Variants in LIPC observed in about 807,000 individuals in gnomAD.
LIPC encodes hepatic triacylglycerol lipase.
Under a neutral mutation model 50.7 loss-of-function variants are expected in LIPC, and 44 were observed. The observed-to-expected ratio is 0.87, with a 90% CI of 0.68 to 1.11. The LOEUF is 1.11. LIPC is among the 50% of genes most tolerant of loss of function. LIPC has a pLI of 0.00. For missense variants in LIPC, 697 were observed against 648.2 expected (o/e 1.08, Z -0.82); for synonymous variants, 271 against 256.4 (o/e 1.06, Z -0.54).
At chr15:58,501,346 AC>A (rs2140837592) in intron 1 of LIPC, among the ~76,000 whole-genome samples, 1 of 41,154 alleles carries the variant, frequency 2.4e-5, no homozygotes, top group South Asian at 1.2e-3. Context: ...GGCCTCTCAT[AC>A]TTTTTTTTTT....
At chr15:58,498,963 CA>C (rs1272375984) in intron 1 of LIPC, among the ~76,000 whole-genome samples, 1 of 152,176 alleles carries the variant, frequency 6.6e-6, no homozygotes, top group East Asian at 1.9e-4. Context: ...GTAGCAAAAG[CA>C]ACACATTAAA....
At chr15:58,518,036 ACTTCCTGTGTTGACCCT>A (rs1471836055) in intron 1 of LIPC, among the ~76,000 whole-genome samples, 3 of 152,216 alleles carry the variant, frequency 2.0e-5, no homozygotes, top group African/African-American at 7.2e-5. Context: ...ACAGCCACCA[ACTTCCTGTGTTGACCCT>A]AGACCAGGAC....
chr15:58,505,689 C>T (rs73422682), intron 1 of LIPC, among the ~76,000 whole-genome samples: 2,237 of 152,310 alleles, frequency 0.015, 66 homozygotes, highest in African/African-American at 0.052. Context: ...TCAACACATC[C>T]TCAAATGACA....
intron 1 of LIPC, among the ~76,000 whole-genome samples, chr15:58,459,899 C>T (rs1019056980): frequency 6.6e-6 from 1 of 152,252 alleles, no homozygotes; most frequent in Non-Finnish European, 1.5e-5. Flanking sequence ...GGGGCCACTG[C>T]GTTGCTATGA....
intron 1 of LIPC, among the ~76,000 whole-genome samples, chr15:58,537,585 T>C (rs938534117): frequency 1.3e-5 from 2 of 152,138 alleles, no homozygotes; most frequent in Non-Finnish European, 2.9e-5. Flanking sequence ...CTCCTGCCTC[T>C]TTATGTATGC....
Position 58,565,553 on chromosome 15 carries a change from A to G in LIPC, c.1388+1830A>G, listed in dbSNP as rs796911135. 10 of 1,227,004 alleles carry G rather than the reference A, an allele frequency of 8.1e-6. No homozygotes were observed. In the African/African-American group the frequency reaches 1.4e-4, roughly 17 times the overall value. The allele number at this position is 1,227,004 out of a possible 1,614,324, so 76.0% of individuals were successfully genotyped here. ...TCTTTGCTGTGATCCTGAAATGGGT[A>G]GTATTGGCTGTGCAGATTAGGAACC... On this transcript the variant is annotated intron_variant, in intron 8 of 8. Transcript: ENST00000299022.
chr15:58,481,442 C>T (rs1483823907), intron 1 of LIPC, among the ~76,000 whole-genome samples: 2 of 152,172 alleles, frequency 1.3e-5, no homozygotes, highest in African/African-American at 2.4e-5. Context: ...AAACAAATGT[C>T]TATCAACAGG....
intron 6 of LIPC, among the ~76,000 whole-genome samples, chr15:58,551,729 G>A (rs1219695882): frequency 6.6e-6 from 1 of 152,166 alleles, no homozygotes; most frequent in Non-Finnish European, 1.5e-5. Context: ...CCGGCCTACA[G>A]AGAAACCACA....
At chr15:58,533,926 T>A (rs1393732795) in intron 1 of LIPC, among the ~76,000 whole-genome samples, 7 of 152,188 alleles carry the variant, frequency 4.6e-5, no homozygotes, top group Non-Finnish European at 1.5e-5. Flanking sequence ...AAAAGTCTAT[T>A]GCAACACTAT....
At chr15:58,509,661 ACT>A (rs1892273791) in intron 1 of LIPC, among the ~76,000 whole-genome samples, 1 of 152,076 alleles carries the variant, frequency 6.6e-6, no homozygotes, top group Admixed American at 6.6e-5. Context: ...GTAAGCCAGG[ACT>A]CTCTGTATAC....
intron 6 of LIPC, among the ~76,000 whole-genome samples, chr15:58,551,201 G>T (rs536224404): frequency 6.6e-6 from 1 of 151,950 alleles, no homozygotes; most frequent in Non-Finnish European, 1.5e-5. Context: ...CCTCCAGTGA[G>T]CAAAGTCCTC....
intron 1 of LIPC, among the ~76,000 whole-genome samples, chr15:58,487,167 C>A (rs1891407778): frequency 6.6e-6 from 1 of 152,218 alleles, no homozygotes; most frequent in Non-Finnish European, 1.5e-5. Context: ...ATGAGATTTT[C>A]AAAGGTGGTT....
At chr15:58,446,677 T>G (rs923045261) in intron 1 of LIPC, among the ~76,000 whole-genome samples, 4 of 152,080 alleles carry the variant, frequency 2.6e-5, no homozygotes, top group African/African-American at 9.7e-5. Context: ...CCCAGCTATC[T>G]GCTTGCACAC....
At chr15:58,561,038 A>G in intron 7 of LIPC, 57 bp downstream of exon 7, 1 of 874,598 alleles carries the variant, frequency 1.1e-6, no homozygotes, top group Non-Finnish European at 2.0e-6. Context: ...CTTGCAGAAC[A>G]TAAATGGACT....
intron 1 of LIPC, among the ~76,000 whole-genome samples, chr15:58,457,526 C>G (rs1312102572): frequency 6.6e-6 from 1 of 152,216 alleles, no homozygotes; most frequent in African/African-American, 2.4e-5. Flanking sequence ...CAGCAGCAGT[C>G]CTTGTTTCTC....
Position 58,545,969 on chromosome 15 carries a change from T to C in LIPC, c.802T>C (p.Phe268Leu), listed in dbSNP as rs752862170. The C allele has an allele frequency of 1.5e-5, 24 of 1,612,378 alleles. No individual in the cohort carries two copies. The highest frequency in any genetic ancestry group is 1.9e-5 in the Non-Finnish European group (22 of 1,178,490). ...ELYRHIAQHGFNAITQTIKCS... is the reference protein window; with the variant it reads ...ELYRHIAQHGLNAITQTIKCS... The stretch of plus-strand genomic sequence containing the variant: ...CTACAGACATATTGCCCAGCACGGC[T>C]TCAATGGTGAGAATGAAGTCATGGG... The change falls in exon 5 of 9, where the codon TTC (phenylalanine) becomes CTC (leucine). Residue 268 changes from phenylalanine (F) to leucine (L), a missense_variant. Phe to Leu is a conservative substitution (Grantham distance 22). Transcript: ENST00000299022.
chr15:58,488,468 C>A (rs1403577159), intron 1 of LIPC, among the ~76,000 whole-genome samples: 1 of 152,212 alleles, frequency 6.6e-6, no homozygotes, highest in Non-Finnish European at 1.5e-5. Context: ...GAGTCATTCT[C>A]AGGCCTATCC....
At chr15:58,454,411 T>G (rs1894032968) in intron 1 of LIPC, 1 of 151,832 alleles carries the variant, frequency 6.6e-6, no homozygotes, top group South Asian at 2.1e-4. Context: ...GGGGAAAGGG[T>G]GGGGATATAA....
chr15:58,476,547 T>C (rs1170847467), intron 1 of LIPC, among the ~76,000 whole-genome samples: 1 of 152,190 alleles, frequency 6.6e-6, no homozygotes, highest in Non-Finnish European at 1.5e-5. Context: ...GTTACTCACA[T>C]GGAGCTAAGA....
Sources: allele counts gnomAD v4.1 joint callset (sites outside exome capture counted in the v4.1 genomes callset), GRCh38; gene constraint gnomAD v4.1.1; transcripts MANE v1.5; gene names NCBI Gene and HGNC (gene_info 2026-07-23, HGNC 2026-07-21).